The following SLC26A7 variants were observed in gnomAD, a reference collection of about 807,000 sequenced individuals.
The protein encoded by SLC26A7 is solute carrier family 26 member 7.
A neutral mutation model predicts 82.5 loss-of-function variants in SLC26A7; 59 were observed. The observed-to-expected ratio is 0.72, with a 90% CI of 0.58 to 0.89. The LOEUF (loss-of-function observed/expected upper bound fraction) is 0.89, where lower values mean the gene tolerates loss of function less well. Ranked by LOEUF, SLC26A7 falls within the 40% of genes least tolerant of loss-of-function variation. The pLI is 0.00. For missense variants in SLC26A7, 820 were observed against 793.0 expected, an observed-to-expected ratio of 1.03 and a Z score of -0.41; for synonymous variants, 271 against 274.3, an observed-to-expected ratio of 0.99 and a Z score of 0.12.
chr8:91,302,800 A>C (rs1369287247), intron 4 of SLC26A7, among the ~76,000 whole-genome samples: 1 of 144,762 alleles, frequency 6.9e-6, no homozygotes. Flanking sequence ...AAATGAATGT[A>C]ATGTCCCTTC....
intron 6 of SLC26A7, 109 bp downstream of exon 6, chr8:91,334,556 T>C (rs1813188443): frequency 1.1e-6 from 1 of 946,034 alleles, no homozygotes; most frequent in Non-Finnish European, 1.5e-6. Flanking sequence ...GCTACTCCTG[T>C]CTCTCATTAA....
chr8:91,268,019 G>A lies in SLC26A7; in HGVS notation c.193+18175G>A, dbSNP rs573999069. Among the ~76,000 whole-genome samples the A allele has an allele frequency of 2.0e-5, 3 of 151,846 alleles. No individual in the cohort carries two copies. The East Asian group carries it at 5.8e-4, about 29-fold the overall frequency. On this transcript the variant is annotated intron_variant, in intron 2 of 18. Coordinates refer to ENST00000276609, the MANE Select transcript of SLC26A7 (RefSeq NM_052832.4). ...TTCATTGATGCATTATTATTCAGGA[G>A]AATGTTGTTTAATTTCCATGTATTT...
At chr8:91,387,148 C>T (rs1814822931) in intron 15 of SLC26A7, among the ~76,000 whole-genome samples, 1 of 151,962 alleles carries the variant, frequency 6.6e-6, no homozygotes, top group South Asian at 2.1e-4. Flanking sequence ...GTCAACATTC[C>T]ACTGTTGATT....
rs1048956077 is a variant in SLC26A7 at position 91,249,601 on chromosome 8, A to G, written c.-51A>G. 34 of 1,430,500 alleles carry G rather than the reference A, an allele frequency of 2.4e-5. No individual in the cohort carries two copies. Among genetic ancestry groups the G allele is most frequent in the Non-Finnish European group, 3.1e-5 (33 of 1,081,820 alleles). 88.6% of individuals were successfully genotyped at this position (1,430,500 alleles called of 1,614,324 possible). A position where few individuals can be genotyped will look rare whatever the true frequency, so the allele number is the denominator to read the frequency against. On this transcript the variant is annotated 5_prime_UTR_variant, in exon 2 of 19. Coordinates refer to ENST00000276609, the MANE Select transcript of SLC26A7 (RefSeq NM_052832.4). The stretch of plus-strand genomic sequence containing the variant: ...CATTGAAAGGAGGTGTTCTGCAATG[A>G]TTTTTTTTCTTGTTTAGAGAAGTTT...
intron 6 of SLC26A7, among the ~76,000 whole-genome samples, chr8:91,336,193 C>T (rs1813237050): frequency 6.6e-6 from 1 of 152,204 alleles, no homozygotes; most frequent in Non-Finnish European, 1.5e-5. Context: ...ACCCCCTACT[C>T]CCACAGAGCT....
intron 9 of SLC26A7, among the ~76,000 whole-genome samples, chr8:91,348,678 A>G (rs774052742): frequency 3.3e-5 from 5 of 151,610 alleles, no homozygotes; most frequent in African/African-American, 4.9e-5. Flanking sequence ...ATAGAAGCCA[A>G]CCTGAAACTT....
chr8:91,282,740 C>T (rs1811607790), intron 2 of SLC26A7, among the ~76,000 whole-genome samples: 1 of 152,196 alleles, frequency 6.6e-6, no homozygotes, highest in Non-Finnish European at 1.5e-5. Context: ...ACTGAAGACT[C>T]TTTACCATCT....
chr8:91,298,512 AG>A (rs1812076222), intron 4 of SLC26A7, among the ~76,000 whole-genome samples: 1 of 152,116 alleles, frequency 6.6e-6, no homozygotes. Flanking sequence ...AAAGTTCTTG[AG>A]GGTATTAATA....
chr8:91,350,766 T>A (rs1813691893), intron 9 of SLC26A7, among the ~76,000 whole-genome samples: 1 of 152,164 alleles, frequency 6.6e-6, no homozygotes, highest in Admixed American at 6.6e-5. Context: ...CATTTATGAA[T>A]AAAGGTTCTA....
chr8:91,319,781 T>G (rs1381936541), intron 5 of SLC26A7, among the ~76,000 whole-genome samples: 1 of 152,188 alleles, frequency 6.6e-6, no homozygotes, highest in African/African-American at 2.4e-5. Context: ...CATGTGCAGT[T>G]TAAGGAAATG....
chr8:91,261,490 A>G (rs2130716736), intron 2 of SLC26A7, among the ~76,000 whole-genome samples: 1 of 152,198 alleles, frequency 6.6e-6, no homozygotes, highest in Non-Finnish European at 1.5e-5. Flanking sequence ...GAGTCGCCAA[A>G]GAATTCTGTG....
intron 2 of SLC26A7, among the ~76,000 whole-genome samples, chr8:91,221,157 TA>T (rs1329342151): frequency 6.6e-6 from 1 of 152,232 alleles, no homozygotes; most frequent in Admixed American, 6.5e-5. Context: ...GTTGGCCACA[TA>T]AATGTCTTCT....
chr8:91,376,616 A>G (rs953992937), intron 15 of SLC26A7, among the ~76,000 whole-genome samples: 2 of 152,150 alleles, frequency 1.3e-5, no homozygotes, highest in Non-Finnish European at 2.9e-5. Flanking sequence ...GATCTCAGGT[A>G]GCTTTTCTTC....
chr8:91,334,148 C>T, intron 5 of SLC26A7, 147 bp from the exon 6 acceptor site: 1 of 704,798 alleles, frequency 1.4e-6, no homozygotes, highest in Non-Finnish European at 2.3e-6. Context: ...AGCATTAGCA[C>T]TGACTACCCG....
exon 2 of SLC26A7, chr8:91,218,964 A>C: frequency 1.3e-6 from 2 of 1,551,090 alleles, no homozygotes; most frequent in Non-Finnish European, 1.7e-6. Flanking sequence ...GTTTTACTCA[A>C]CGTGACCCTA....
intron 15 of SLC26A7, among the ~76,000 whole-genome samples, chr8:91,379,006 T>G (rs1227414860): frequency 6.6e-6 from 1 of 152,060 alleles, no homozygotes; most frequent in African/African-American, 2.4e-5. Flanking sequence ...TCAATTGGTT[T>G]CAATATACTA....
At chr8:91,297,251 C>T (rs910815573) in intron 4 of SLC26A7, among the ~76,000 whole-genome samples, 1 of 151,764 alleles carries the variant, frequency 6.6e-6, no homozygotes, top group Non-Finnish European at 1.5e-5. Context: ...TAAGAGTATA[C>T]ATAATTAGCG....
chr8:91,363,673 G>C, intron 13 of SLC26A7, 135 bp downstream of exon 13: 1 of 476,784 alleles, frequency 2.1e-6, no homozygotes, highest in South Asian at 2.7e-5. Flanking sequence ...ACTTCCAGTG[G>C]TACATATGTG....
At chr8:91,387,460 G>C (rs1019407008) in intron 15 of SLC26A7, among the ~76,000 whole-genome samples, 2 of 152,146 alleles carry the variant, frequency 1.3e-5, no homozygotes, top group Non-Finnish European at 2.9e-5. Context: ...CTTGCCCTGG[G>C]AACAGCAGAA....
Sources: allele counts gnomAD v4.1 joint callset (sites outside exome capture counted in the v4.1 genomes callset), GRCh38; gene constraint gnomAD v4.1.1; transcripts MANE v1.5; gene names NCBI Gene and HGNC (gene_info 2026-07-23, HGNC 2026-07-21).